FGF14: variants seen among roughly 807,000 people sequenced by gnomAD.
The protein encoded by FGF14 is fibroblast growth factor 14, also known as fibroblast growth factor homologous factor 4.
In FGF14, 5 loss-of-function variants were observed where a neutral mutation model predicts 25.5. That is an observed-to-expected ratio of 0.20 (90% CI 0.10 to 0.41). The LOEUF is 0.41. Ranked by LOEUF, FGF14 falls within the 10% of genes least tolerant of loss-of-function variation. FGF14 has a pLI of 1.00. For missense variants in FGF14, 222 were observed against 320.1 expected (o/e 0.69, Z 2.34); for synonymous variants, 138 against 118.3 (o/e 1.17, Z -1.08).
chr13:101,784,926 T>G (rs2039715692), intron 3 of FGF14, among the ~76,000 whole-genome samples: 3 of 152,154 alleles, frequency 2.0e-5, no homozygotes. Context: ...AATAGGCTAG[T>G]GAGGTCATGA....
intron 1 of FGF14, among the ~76,000 whole-genome samples, chr13:101,922,355 T>A (rs1317218021): frequency 6.6e-6 from 1 of 152,142 alleles, no homozygotes; most frequent in Non-Finnish European, 1.5e-5. Flanking sequence ...CAACCAAACA[T>A]GACAAACAGT....
chr13:102,091,049 AAT>A (rs1277403633), intron 1 of FGF14, among the ~76,000 whole-genome samples: 1 of 152,218 alleles, frequency 6.6e-6, no homozygotes, highest in Non-Finnish European at 1.5e-5. Flanking sequence ...AAATCAATGT[AAT>A]ATGTTAATAG....
chr13:101,990,937 T>C (rs2038866287), intron 1 of FGF14, among the ~76,000 whole-genome samples: 1 of 152,058 alleles, frequency 6.6e-6, no homozygotes, highest in African/African-American at 2.4e-5. Flanking sequence ...CGACAGAACA[T>C]CTAGCACAAT....
At chr13:102,185,782 G>A (rs978812786) in intron 1 of FGF14, among the ~76,000 whole-genome samples, 1 of 152,108 alleles carries the variant, frequency 6.6e-6, no homozygotes, top group Non-Finnish European at 1.5e-5. Flanking sequence ...TCAGTCCCTT[G>A]GCTCACAAAT....
At chr13:101,766,445 A>C (rs529104979) in intron 3 of FGF14, among the ~76,000 whole-genome samples, 79 of 152,284 alleles carry the variant, frequency 5.2e-4, no homozygotes, top group African/African-American at 1.8e-3. Flanking sequence ...GCAGATATTT[A>C]TTTAGCAGAC....
At chr13:101,895,771 GT>G (rs2030559697) in intron 1 of FGF14, among the ~76,000 whole-genome samples, 1 of 152,212 alleles carries the variant, frequency 6.6e-6, no homozygotes, top group Non-Finnish European at 1.5e-5. Flanking sequence ...ATTTGTGAGA[GT>G]TATATGGAGT....
chr13:102,198,504 C>T (rs1366016410), intron 1 of FGF14, among the ~76,000 whole-genome samples: 1 of 152,120 alleles, frequency 6.6e-6, no homozygotes, highest in African/African-American at 2.4e-5. Context: ...CTTAAAATTG[C>T]CTTTAGGAAG....
chr13:101,920,800 G>A (rs912063821), upstream of FGF14, among the ~76,000 whole-genome samples: 4 of 152,130 alleles, frequency 2.6e-5, 1 homozygote, highest in Non-Finnish European at 5.9e-5. Context: ...CTACATTTGT[G>A]AACTGAGTCC....
intron 3 of FGF14, among the ~76,000 whole-genome samples, chr13:101,838,514 G>A (rs905527137): frequency 2.0e-5 from 3 of 152,068 alleles, no homozygotes; most frequent in Non-Finnish European, 2.9e-5. Context: ...ATTGCTGGTA[G>A]AAATGAGTGC....
intron 3 of FGF14, among the ~76,000 whole-genome samples, chr13:101,819,445 T>C (rs978369512): frequency 6.6e-6 from 1 of 152,208 alleles, no homozygotes; most frequent in Non-Finnish European, 1.5e-5. Context: ...ACAGACTCAA[T>C]GTGAATAGGA....
intron 1 of FGF14, among the ~76,000 whole-genome samples, chr13:102,122,427 C>A (rs949641979): frequency 2.6e-5 from 4 of 152,188 alleles, no homozygotes; most frequent in Admixed American, 1.3e-4. Context: ...AAGCCCCTAG[C>A]CCATATGTGC....
chr13:101,722,005 T>TAAGC lies in FGF14; in HGVS notation c.*822_*825dup, dbSNP rs2035025924. ...GCAAGGCAAATGTTACCATTACCAG[T>TAAGC]AAGCTTGTGATATGTATAAAACACA... On this transcript the variant is annotated 3_prime_UTR_variant, in exon 5 of 5. Coordinates refer to ENST00000376143, the MANE Select transcript of FGF14 (RefSeq NM_004115.4). The TAAGC allele has an allele frequency of 6.6e-6, 1 of 151,994 alleles. No individual in the cohort carries two copies. The highest frequency in any genetic ancestry group is 2.1e-4 in the South Asian group (1 of 4,824). The allele number at this position is 151,994 out of a possible 1,614,324, so 9.4% of individuals were successfully genotyped here. A position where few individuals can be genotyped will look rare whatever the true frequency, so the allele number is the denominator to read the frequency against.
At chr13:102,293,539 G>A (rs2054539088) in intron 1 of FGF14, 1 of 152,000 alleles carries the variant, frequency 6.6e-6, no homozygotes. Context: ...ATTTCCAGAT[G>A]GATAAATAGT....
intron 1 of FGF14, among the ~76,000 whole-genome samples, chr13:102,397,476 G>A (rs1045359029): frequency 5.9e-5 from 9 of 152,290 alleles, no homozygotes; most frequent in South Asian, 4.1e-4. Flanking sequence ...GGTCTAGGGC[G>A]TCTGCTTCGT....
At chr13:102,290,763 T>C (rs2054348521) in intron 1 of FGF14, among the ~76,000 whole-genome samples, 1 of 152,184 alleles carries the variant, frequency 6.6e-6, no homozygotes, top group Non-Finnish European at 1.5e-5. Context: ...CTGTCACTCC[T>C]ACCAGAGCAG....
intron 3 of FGF14, among the ~76,000 whole-genome samples, chr13:101,832,200 G>C (rs752793783): frequency 5.9e-5 from 9 of 151,870 alleles, no homozygotes; most frequent in African/African-American, 9.7e-5. Context: ...ACAGGCCAAG[G>C]GATGCTGGAA....
chr13:102,146,374 C>CTA (rs1206229001), intron 1 of FGF14, among the ~76,000 whole-genome samples: 6 of 152,150 alleles, frequency 3.9e-5, no homozygotes, highest in Non-Finnish European at 8.8e-5. Flanking sequence ...TATAGCATGA[C>CTA]AATGTCATTA....
At chr13:101,765,729 T>G (rs2038349226) in intron 3 of FGF14, among the ~76,000 whole-genome samples, 1 of 150,850 alleles carries the variant, frequency 6.6e-6, no homozygotes, top group Non-Finnish European at 1.5e-5. Context: ...TTTATTTATT[T>G]ATTTATTTAT....
chr13:101,905,651 T>G (rs936902505), intron 1 of FGF14, among the ~76,000 whole-genome samples: 1 of 152,026 alleles, frequency 6.6e-6, no homozygotes, highest in African/African-American at 2.4e-5. Flanking sequence ...TGTATACCTA[T>G]GTAACAAAAC....
Sources: allele counts gnomAD v4.1 joint callset (sites outside exome capture counted in the v4.1 genomes callset), GRCh38; gene constraint gnomAD v4.1.1; transcripts MANE v1.5; gene names NCBI Gene and HGNC (gene_info 2026-07-23, HGNC 2026-07-21).